CNTN4: variants seen among roughly 807,000 people sequenced by gnomAD.
The protein encoded by CNTN4 is contactin-4.
A neutral mutation model predicts 122.5 loss-of-function variants in CNTN4; 77 were observed. The observed-to-expected ratio is 0.63, with a 90% CI of 0.52 to 0.76. The LOEUF is 0.76. Ranked by LOEUF, CNTN4 falls within the 30% of genes least tolerant of loss-of-function variation. The pLI, the probability that CNTN4 is intolerant of heterozygous loss-of-function variation, is 0.00. For synonymous variants in CNTN4, 512 were observed against 447.0 expected, an observed-to-expected ratio of 1.15 and a Z score of -1.83; for missense variants, 1,256 against 1,259.1, an observed-to-expected ratio of 1.00 and a Z score of 0.04.
chr3:2,110,295 G>A (rs575575608), intron 2 of CNTN4: 1 of 152,346 alleles, frequency 6.6e-6, no homozygotes, highest in South Asian at 2.1e-4. Context: ...TTACAGATAG[G>A]CTGTGAACAT....
At chr3:2,816,310 T>A (rs182950231) in intron 6 of CNTN4, among the ~76,000 whole-genome samples, 1 of 139,520 alleles carries the variant, frequency 7.2e-6, no homozygotes, top group African/African-American at 3.3e-5. Context: ...GCCGAGATCG[T>A]GGCACTGCAC....
At chr3:2,653,002 G>A (rs1338081124) in intron 4 of CNTN4, among the ~76,000 whole-genome samples, 1 of 151,968 alleles carries the variant, frequency 6.6e-6, no homozygotes, top group Non-Finnish European at 1.5e-5. Context: ...GCCATTTCAT[G>A]GTAAATGTTG....
chr3:2,779,153 G>C (rs1191070521), intron 6 of CNTN4, among the ~76,000 whole-genome samples: 1 of 152,142 alleles, frequency 6.6e-6, no homozygotes, highest in African/African-American at 2.4e-5. Context: ...AGGGTAGTTA[G>C]AGCAATGATT....
intron 2 of CNTN4, among the ~76,000 whole-genome samples, chr3:2,310,573 T>C (rs1416991106): frequency 6.6e-6 from 1 of 152,190 alleles, no homozygotes; most frequent in Non-Finnish European, 1.5e-5. Context: ...TCCTTATTTT[T>C]AGTTTTATGC....
intron 4 of CNTN4, among the ~76,000 whole-genome samples, chr3:2,624,986 ATTATT>A (rs934289779): frequency 2.6e-5 from 4 of 152,156 alleles, no homozygotes; most frequent in African/African-American, 9.7e-5. Context: ...AACTAGATAT[ATTATT>A]TTATCTCCCT....
At chr3:2,267,802 C>A (rs1410139190) in intron 2 of CNTN4, among the ~76,000 whole-genome samples, 1 of 151,870 alleles carries the variant, frequency 6.6e-6, no homozygotes. Flanking sequence ...TTTGATTCTA[C>A]CACCAAGAGT....
chr3:3,044,591 A>G (rs1700453138), intron 23 of CNTN4, among the ~76,000 whole-genome samples: 1 of 152,208 alleles, frequency 6.6e-6, no homozygotes, highest in African/African-American at 2.4e-5. Context: ...AGAAAGCAGA[A>G]GCTGCCAGCC....
At chr3:2,654,123 C>T (rs1466300050) in intron 4 of CNTN4, among the ~76,000 whole-genome samples, 2 of 152,176 alleles carry the variant, frequency 1.3e-5, no homozygotes, top group Admixed American at 6.5e-5. Flanking sequence ...CTGTGTTTCC[C>T]TTCAGGGGAT....
At position 2,411,047 on chromosome 3, in the gene CNTN4, A is replaced by C. The variant is rs1036684842; in HGVS notation, c.-89+71814A>C. On this transcript the variant is annotated intron_variant, in intron 3 of 24. Transcript: ENST00000418658. The stretch of plus-strand genomic sequence containing the variant: ...ACTTTACATATAAAAAGATGGTGTT[A>C]ATACACTCTCTTCTGTGGTTATTAT... Among the ~76,000 whole-genome samples, 4 of 152,210 alleles carry C rather than the reference A, an allele frequency of 2.6e-5. 1 individual carries two copies. In the South Asian group the frequency reaches 6.2e-4, roughly 24 times the overall value.
chr3:2,540,225 T>C (rs540912981), intron 3 of CNTN4, among the ~76,000 whole-genome samples: 9 of 152,202 alleles, frequency 5.9e-5, no homozygotes, highest in Admixed American at 5.9e-4. Flanking sequence ...GTTTATTTCC[T>C]TTTGTGATTA....
intron 6 of CNTN4, among the ~76,000 whole-genome samples, chr3:2,812,080 A>G (rs917440475): frequency 7.9e-5 from 12 of 152,220 alleles, no homozygotes; most frequent in Non-Finnish European, 1.3e-4. Context: ...AGATGAGAAC[A>G]CGTGGACACA....
chr3:2,742,879 G>C (rs898478942), intron 5 of CNTN4, among the ~76,000 whole-genome samples: 1 of 152,136 alleles, frequency 6.6e-6, no homozygotes, highest in Non-Finnish European at 1.5e-5. Flanking sequence ...CATTCAATTG[G>C]AATGAACAGT....
chr3:2,933,451 G>A (rs2094542292), intron 13 of CNTN4, among the ~76,000 whole-genome samples: 1 of 152,164 alleles, frequency 6.6e-6, no homozygotes, highest in Non-Finnish European at 1.5e-5. Context: ...CCTGGCTTAT[G>A]GGTGAGGCTG....
At chr3:2,626,902 G>A (rs57361895) in intron 4 of CNTN4, among the ~76,000 whole-genome samples, 10,072 of 152,214 alleles carry the variant, frequency 0.066, 1,135 homozygotes, top group African/African-American at 0.23. Context: ...ACATCACAGG[G>A]ATGCCATGCA....
intron 3 of CNTN4, among the ~76,000 whole-genome samples, chr3:2,466,606 A>G (rs1260896918): frequency 6.6e-6 from 1 of 152,170 alleles, no homozygotes; most frequent in East Asian, 1.9e-4. Context: ...TTGCTATGGT[A>G]TCCCTGGACA....
At chr3:2,708,658 C>G (rs1170983836) in intron 4 of CNTN4, among the ~76,000 whole-genome samples, 1 of 150,370 alleles carries the variant, frequency 6.7e-6, no homozygotes, top group Non-Finnish European at 1.5e-5. Context: ...CATGTACTTC[C>G]TAGAGAGGCA....
intron 2 of CNTN4, among the ~76,000 whole-genome samples, chr3:2,298,159 T>C (rs927846613): frequency 6.6e-6 from 1 of 152,208 alleles, no homozygotes; most frequent in Non-Finnish European, 1.5e-5. Flanking sequence ...AGAATGTAAT[T>C]AGTAGCAAAT....
chr3:2,446,413 C>T (rs987677165), intron 3 of CNTN4, among the ~76,000 whole-genome samples: 1 of 152,126 alleles, frequency 6.6e-6, no homozygotes, highest in Non-Finnish European at 1.5e-5. Flanking sequence ...TTTTTCTCTT[C>T]TATAGCCTCC....
chr3:2,782,185 G>A (rs2091620491), intron 6 of CNTN4, among the ~76,000 whole-genome samples: 1 of 151,928 alleles, frequency 6.6e-6, no homozygotes, highest in African/African-American at 2.4e-5. Flanking sequence ...GGTATAAAGA[G>A]TATAAAGAGG....
Sources: gnomAD v4.1 joint callset for allele counts (sites outside exome capture counted in the v4.1 genomes callset) on GRCh38, gnomAD v4.1.1 for gene constraint, MANE v1.5 for transcripts, NCBI Gene and HGNC (gene_info 2026-07-23, HGNC 2026-07-21) for gene names.